Variants in GRIP1 observed in about 807,000 individuals in gnomAD.
The protein encoded by GRIP1 is glutamate receptor-interacting protein 1.
Under a neutral mutation model 129.9 loss-of-function variants are expected in GRIP1, and 45 were observed. The observed-to-expected ratio is 0.35, with a 90% CI of 0.27 to 0.44. GRIP1 has a LOEUF of 0.44. Ranked by LOEUF, GRIP1 falls within the 20% of genes least tolerant of loss-of-function variation. The pLI, the probability that GRIP1 is intolerant of heterozygous loss-of-function variation, is 1.00. For missense variants in GRIP1, 1,196 were observed against 1,396.8 expected, an observed-to-expected ratio of 0.86 and a Z score of 2.29; for synonymous variants, 530 against 520.8, an observed-to-expected ratio of 1.02 and a Z score of -0.24.
chr12:66,949,380 C>T (rs537211146), intron 1 of GRIP1, among the ~76,000 whole-genome samples: 129 of 152,240 alleles, frequency 8.5e-4, no homozygotes, highest in Middle Eastern at 3.4e-3. Flanking sequence ...TTACTCTGAA[C>T]AACTAAGCTG....
intron 1 of GRIP1, among the ~76,000 whole-genome samples, chr12:66,836,077 T>C (rs1000203533): frequency 8.5e-5 from 13 of 152,326 alleles, no homozygotes; most frequent in Admixed American, 1.3e-4. Flanking sequence ...TTTTATGTCA[T>C]TCTACGATTA....
At chr12:66,954,349 A>C (rs1208421548) in intron 1 of GRIP1, among the ~76,000 whole-genome samples, 1 of 152,214 alleles carries the variant, frequency 6.6e-6, no homozygotes, top group African/African-American at 2.4e-5. Flanking sequence ...TAGAAAAATG[A>C]GTATCAAACT....
chr12:66,809,527 G>A (rs753192603), intron 1 of GRIP1, among the ~76,000 whole-genome samples: 3 of 152,114 alleles, frequency 2.0e-5, no homozygotes, highest in Non-Finnish European at 4.4e-5. Context: ...AAAACACTCT[G>A]TTCTCTGGCA....
intron 1 of GRIP1, among the ~76,000 whole-genome samples, chr12:66,923,557 CAGA>C (rs2041247417): frequency 6.6e-6 from 1 of 152,158 alleles, no homozygotes; most frequent in Non-Finnish European, 1.5e-5. Flanking sequence ...CAAATCTAAG[CAGA>C]AGATCTCAGA....
At chr12:66,657,060 G>GA (rs545741477) in intron 1 of GRIP1, among the ~76,000 whole-genome samples, 18 of 150,078 alleles carry the variant, frequency 1.2e-4, no homozygotes, top group East Asian at 9.7e-4. Flanking sequence ...ATGTAAACAA[G>GA]AAAAAAAAAT....
rs1565657679 is a variant in GRIP1, at chr12:66,353,549, C to T, written c.3027G>A (p.Lys1009=). Residue 1009 remains lysine, a synonymous_variant, in exon 24 of 25, where the codon AAG becomes AAA. Coordinates refer to ENST00000359742, the MANE Select transcript of GRIP1 (RefSeq NM_001366722.1). Reference sequence around the variant, plus strand: ...ACCCAAAGTCCTCCATGTCAGAGTCCTTGTACAAGGTCACCTGAAGAGAGA... The same window carrying T: ...ACCCAAAGTCCTCCATGTCAGAGTCTTTGTACAAGGTCACCTGAAGAGAGA... ...PVELHKVTLY[K]DSDMEDFGFS... The T allele has an allele frequency of 1.2e-6, 2 of 1,613,998 alleles. No homozygotes were observed. The highest frequency in any genetic ancestry group is 1.7e-6 in the Non-Finnish European group (2 of 1,179,896).
chr12:66,393,489 A>AGAG (rs2056673157), intron 17 of GRIP1, among the ~76,000 whole-genome samples: 1 of 152,072 alleles, frequency 6.6e-6, no homozygotes, highest in African/African-American at 2.4e-5. Context: ...GCTAATTTCT[A>AGAG]AGGTACACTG....
At chr12:66,368,828 T>C (rs1291960949) in intron 23 of GRIP1, among the ~76,000 whole-genome samples, 1 of 152,172 alleles carries the variant, frequency 6.6e-6, no homozygotes, top group Non-Finnish European at 1.5e-5. Flanking sequence ...CACTCTTTGC[T>C]CTAAGCAGCT....
At chr12:66,590,320 A>G (rs1012519396) in intron 2 of GRIP1, among the ~76,000 whole-genome samples, 3 of 152,236 alleles carry the variant, frequency 2.0e-5, no homozygotes, top group Non-Finnish European at 4.4e-5. Flanking sequence ...TATTTCAGCC[A>G]ATGTTTACTA....
chr12:66,525,022 A>C (rs1428929435), intron 5 of GRIP1, among the ~76,000 whole-genome samples: 1 of 152,232 alleles, frequency 6.6e-6, no homozygotes, highest in Non-Finnish European at 1.5e-5. Context: ...AGGCTCTGAA[A>C]TTGTGGCAAT....
intron 9 of GRIP1, among the ~76,000 whole-genome samples, chr12:66,458,224 C>T (rs546657878): frequency 1.3e-5 from 2 of 149,056 alleles, no homozygotes; most frequent in African/African-American, 5.0e-5. Context: ...CCCTCTCTCT[C>T]CACTTTCCTA....
At chr12:66,632,619 G>A (rs1423923152) in intron 1 of GRIP1, among the ~76,000 whole-genome samples, 1 of 152,148 alleles carries the variant, frequency 6.6e-6, no homozygotes, top group Non-Finnish European at 1.5e-5. Context: ...GTCACATTCA[G>A]GTCTTGCTTT....
chr12:66,367,451 T>G (rs566869096), intron 23 of GRIP1, among the ~76,000 whole-genome samples: 1 of 152,162 alleles, frequency 6.6e-6, no homozygotes, highest in South Asian at 2.1e-4. Context: ...CGGCCCATGC[T>G]CCCTGAAAGT....
Position 66,435,663 on chromosome 12 carries a change from A to C in GRIP1, c.1688-3035T>G, listed in dbSNP as rs149730427. Among the ~76,000 whole-genome samples, 193 of 152,356 alleles carry C rather than the reference A, an allele frequency of 1.3e-3. 3 individuals are homozygous for C. The highest frequency in any genetic ancestry group is 4.4e-3 in the African/African-American group (181 of 41,586). On this transcript the variant is annotated intron_variant, in intron 13 of 24. Coordinates refer to ENST00000359742, the MANE Select transcript of GRIP1 (RefSeq NM_001366722.1). ...GTGAGGTCTTTGAAACACAAGGGCC[A>C]GAAAATGCTGTTCTAGAATAGTTAC... is the stretch of plus-strand genomic sequence containing the variant.
intron 1 of GRIP1, among the ~76,000 whole-genome samples, chr12:67,056,652 T>C (rs534277509): frequency 4.6e-5 from 7 of 152,034 alleles, no homozygotes; most frequent in Non-Finnish European, 1.0e-4. Context: ...GGGAAAACTC[T>C]CCCCCAAAAT....
intron 1 of GRIP1, among the ~76,000 whole-genome samples, chr12:66,782,339 A>G (rs1405816895): frequency 1.3e-5 from 2 of 152,206 alleles, no homozygotes; most frequent in African/African-American, 4.8e-5. Flanking sequence ...AAGAGCAGTT[A>G]GTGTTCACAC....
chr12:66,789,505 A>T (rs922050932), intron 1 of GRIP1, among the ~76,000 whole-genome samples: 3 of 152,208 alleles, frequency 2.0e-5, no homozygotes, highest in Non-Finnish European at 4.4e-5. Flanking sequence ...AGCATTGTAA[A>T]ATTTTAAAAT....
At chr12:66,683,251 G>A (rs1214552333), upstream of GRIP1, among the ~76,000 whole-genome samples, 2 of 151,990 alleles carry the variant, frequency 1.3e-5, no homozygotes, top group African/African-American at 4.8e-5. Context: ...GATGCCAAAA[G>A]CAACCATGAG....
chr12:66,654,742 T>C lies in GRIP1; in HGVS notation c.55+24108A>G, dbSNP rs1430774163. Among the ~76,000 whole-genome samples the C allele has an allele frequency of 2.6e-5, 4 of 152,058 alleles. No homozygotes were observed. In the South Asian group the frequency reaches 8.3e-4, roughly 32 times the overall value. On this transcript the variant is annotated intron_variant, in intron 1 of 24. Coordinates refer to ENST00000359742, the MANE Select transcript of GRIP1 (RefSeq NM_001366722.1). ...TGATGAGAGTTGTTAAGATATGACA[T>C]GAGGATGTCTGCGCCATTATGTACA...
Sources: gnomAD v4.1 joint callset for allele counts (sites outside exome capture counted in the v4.1 genomes callset) on GRCh38, gnomAD v4.1.1 for gene constraint, MANE v1.5 for transcripts, NCBI Gene and HGNC (gene_info 2026-07-23, HGNC 2026-07-21) for gene names.